PRKCSH: variants seen among roughly 807,000 people sequenced by gnomAD.
PRKCSH encodes the protein PRKCSH beta subunit of glucosidase II.
In PRKCSH, 42 loss-of-function variants were observed where a neutral mutation model predicts 79.7. The ratio of observed to expected loss-of-function variants is 0.53; its 90% CI spans 0.41 to 0.68. The LOEUF is 0.68. Among genes scored for constraint, PRKCSH ranks in the 30% least tolerant of loss-of-function variants. PRKCSH has a pLI of 0.00. For synonymous variants in PRKCSH, 325 were observed against 288.2 expected, an observed-to-expected ratio of 1.13 and a Z score of -1.29; for missense variants, 686 against 709.0, an observed-to-expected ratio of 0.97 and a Z score of 0.37.
chr19:11,436,438 G>A lies in PRKCSH; in HGVS notation c.129G>A (p.Ser43=), dbSNP rs763954335. ...AGCCTTTCACCTGCCTGGACGGTTC[G>A]GCCACCATCCCATTTGATCAGGTCA... ...ESKPFTCLDG[S]ATIPFDQVND... Residue 43 remains serine (S), a synonymous_variant, in exon 3 of 18, where the codon TCG becomes TCA. Coordinates refer to ENST00000677123, the MANE Select transcript of PRKCSH (RefSeq NM_001289104.2). 5 of 1,614,004 alleles carry A rather than the reference G, an allele frequency of 3.1e-6. No individual in the cohort carries two copies. The highest frequency in any genetic ancestry group is 4.2e-6 in the Non-Finnish European group (5 of 1,180,030).
Position 11,448,193 on chromosome 19 carries a change from A to C in PRKCSH, c.1127-29A>C. 1 of 1,547,234 alleles carries C rather than the reference A, an allele frequency of 6.5e-7. No individual in the cohort carries two copies. The highest frequency in any genetic ancestry group is 8.8e-7 in the Non-Finnish European group (1 of 1,142,720). ...CCCATCCTCCTGGATGGGGTTGAGG[A>C]CATCTCTGACCTCCAACCCCTCTCC... On this transcript the variant is annotated intron_variant, in intron 12 of 17. Coordinates refer to ENST00000677123, the MANE Select transcript of PRKCSH (RefSeq NM_001289104.2). This position sits in a 1 kb window ranked among gnomAD's most constrained non-coding sequence, Gnocchi z 4.4.
rs774447516 is a variant in PRKCSH, at chr19:11,442,480, G to C, written c.563G>C (p.Arg188Thr). ...AAGGAGGAAGCTGAGAAGCCAGAGA[G>C]AGAGGCCAAAGAGCAGCACCAGAAG... ...TVKEEAEKPE[R>T]EAKEQHQKLW... is the part of the protein sequence containing the mutation. Residue 188 changes from arginine (R) to threonine (T), a missense_variant, in exon 7 of 18, where the codon AGA (arginine) becomes ACA (threonine). Physicochemically the swap from Arg to Thr is moderately conservative, Grantham distance 71. This residue lies in a region of PRKCSH where 549 missense variants were observed against 520.2 expected (regional missense o/e 1.06). Coordinates refer to ENST00000677123, the MANE Select transcript of PRKCSH (RefSeq NM_001289104.2). 4 of 1,611,956 alleles carry C rather than the reference G, an allele frequency of 2.5e-6. No homozygotes were observed. Among genetic ancestry groups the C allele is most frequent in the Non-Finnish European group, 2.5e-6 (3 of 1,179,412 alleles).
Position 11,442,339 on chromosome 19 carries a change from G to A in PRKCSH, c.469-47G>A, listed in dbSNP as rs370101774. On this transcript the variant is annotated intron_variant, in intron 6 of 17. Coordinates refer to ENST00000677123, the MANE Select transcript of PRKCSH (RefSeq NM_001289104.2). The stretch of plus-strand genomic sequence containing the variant: ...GCAGGGAGGTAGTAGTCAATGAGGA[G>A]GAGGCAGAACAGAGGAGAGCTGGTC... 4 of 1,549,966 alleles carry A rather than the reference G, an allele frequency of 2.6e-6. No homozygotes were observed. In the African/African-American group the frequency reaches 4.1e-5, roughly 16 times the overall value.
Position 11,442,479 on chromosome 19 carries a change from A to G in PRKCSH, c.562A>G (p.Arg188Gly). ...GAAGGAGGAAGCTGAGAAGCCAGAG[A>G]GAGAGGCCAAAGAGCAGCACCAGAA... Reference protein sequence around the residue: ...TVKEEAEKPEREAKEQHQKLW... With the variant: ...TVKEEAEKPEGEAKEQHQKLW... Residue 188 changes from arginine (R) to glycine (G), a missense_variant, in exon 7 of 18, where the codon AGA becomes GGA. Physicochemically the swap from Arg to Gly is moderately radical, Grantham distance 125. Around this residue, in one of 2 missense-constraint regions of PRKCSH, gnomAD observed 549 missense variants for 520.2 expected, o/e 1.06. Transcript: ENST00000677123. The G allele has an allele frequency of 6.2e-7, 1 of 1,612,064 alleles. No individual in the cohort carries two copies. The highest frequency in any genetic ancestry group is 1.3e-5 in the African/African-American group (1 of 74,974).
chr19:11,447,105 C>T lies in PRKCSH; in HGVS notation c.794C>T (p.Ala265Val). The T allele has an allele frequency of 1.9e-6, 3 of 1,614,010 alleles. No homozygotes were observed. Among genetic ancestry groups the T allele is most frequent in the Admixed American group, 3.3e-5 (2 of 60,026 alleles). ...ALLSGDTQTD[A>V]TSFYDRVWAA... is the part of the protein sequence containing the mutation. ...CTCAGTGGGGACACACAGACAGACG[C>T]CACCTCTTTCTACGACCGCGTCTGG... is the stretch of plus-strand genomic sequence containing the variant. Residue 265 changes from alanine (A) to valine (V), a missense_variant, in exon 10 of 18, where the codon GCC becomes GTC. Transcript: ENST00000677123. The surrounding 1 kb of genome is among the most constrained non-coding windows in gnomAD (Gnocchi z 5.6).
In PRKCSH at chr19:11,437,349, T is replaced by C. The variant is rs183740484; in HGVS notation, c.197-527T>C. On this transcript the variant is annotated intron_variant, in intron 3 of 17. Coordinates refer to ENST00000677123, the MANE Select transcript of PRKCSH (RefSeq NM_001289104.2). Reference sequence around the variant, plus strand: ...CACCGTACCTGGCCTTGTTTTGTTTTGTTTTTAATTTTTTTTTTTGAGATG... The same window carrying C: ...CACCGTACCTGGCCTTGTTTTGTTTCGTTTTTAATTTTTTTTTTTGAGATG... 4.7e-5 allele frequency among the ~76,000 whole-genome samples: 7 copies of C among 149,352 alleles called. No individual in the cohort carries two copies. In the East Asian group the frequency reaches 1.4e-3, roughly 30 times the overall value.
chr19:11,436,598 C>T, intron 3 of PRKCSH, 93 bp downstream of exon 3: 1 of 1,081,790 alleles, frequency 9.2e-7, no homozygotes, highest in Non-Finnish European at 1.4e-6. Context: ...CCTCTGCTGG[C>T]TCCCCTTTGA....
rs537755345 is a variant in PRKCSH, at chr19:11,436,600, C to G, written c.196+95C>G. The G allele has an allele frequency of 2.8e-6, 3 of 1,056,090 alleles. No individual in the cohort carries two copies. In the South Asian group the frequency reaches 4.1e-5, roughly 14 times the overall value. The allele number at this position is 1,056,090 out of a possible 1,614,324, so 65.4% of individuals were successfully genotyped here. A position where few individuals can be genotyped will look rare whatever the true frequency, so the allele number is the denominator to read the frequency against. ...GACCAAGATACTACCTCTGCTGGCT[C>G]CCCTTTGAGTGGGCAGAAACAAGCT... On this transcript the variant is annotated intron_variant, in intron 3 of 17. Transcript: ENST00000677123.
In PRKCSH at chr19:11,439,264, A is replaced by G. The variant is rs150533345; in HGVS notation, c.350+1140A>G. Among the ~76,000 whole-genome samples, 15 of 152,094 alleles carry G rather than the reference A, an allele frequency of 9.9e-5. No individual in the cohort carries two copies. In the East Asian group the frequency reaches 2.9e-3, roughly 29 times the overall value. On this transcript the variant is annotated intron_variant, in intron 5 of 17. Coordinates refer to ENST00000677123, the MANE Select transcript of PRKCSH (RefSeq NM_001289104.2). Reference sequence around the variant, plus strand: ...AACCTTGTTGCGACCTTGGCGCATTACCTGTCTGATATGAAAAAATAAGAC... The same window carrying G: ...AACCTTGTTGCGACCTTGGCGCATTGCCTGTCTGATATGAAAAAATAAGAC...
At position 11,448,191 on chromosome 19, in the gene PRKCSH, G is replaced by T; in HGVS notation, c.1127-31G>T. 1 of 1,548,282 alleles carries T rather than the reference G, an allele frequency of 6.5e-7. No individual in the cohort carries two copies. Among genetic ancestry groups the T allele is most frequent in the South Asian group, 1.2e-5 (1 of 83,946 alleles). On this transcript the variant is annotated intron_variant, in intron 12 of 17. Transcript: ENST00000677123. The surrounding 1 kb of genome is among the most constrained non-coding windows in gnomAD (Gnocchi z 4.4). ...TCCCCATCCTCCTGGATGGGGTTGA[G>T]GACATCTCTGACCTCCAACCCCTCT...
At position 11,436,025 on chromosome 19, in the gene PRKCSH, C is replaced by G; in HGVS notation, c.-77-16C>G. 8 of 1,538,158 alleles carry G rather than the reference C, an allele frequency of 5.2e-6. No individual in the cohort carries two copies. Among genetic ancestry groups the G allele is most frequent in the Non-Finnish European group, 7.1e-6 (8 of 1,125,248 alleles). Reference sequence around the variant, plus strand: ...TAGCCCTCTCCCACTGACCGGGATCCGCTTTCTTCCTGCAGCGTGAAGACA... The same window carrying G: ...TAGCCCTCTCCCACTGACCGGGATCGGCTTTCTTCCTGCAGCGTGAAGACA... On this transcript the variant is annotated splice_polypyrimidine_tract_variant and intron_variant, in intron 1 of 17. Transcript: ENST00000677123.
Position 11,448,276 on chromosome 19 carries a change from TG to T in PRKCSH, c.1183del (p.Glu395ArgfsTer76). On this transcript the variant is annotated frameshift_variant, in exon 13 of 18. Transcript: ENST00000677123. LOFTEE classifies it high-confidence loss of function. This position sits in a 1 kb window ranked among gnomAD's most constrained non-coding sequence, Gnocchi z 4.4. Reference sequence around the variant, plus strand: ...GAGGCCGAGCGGTCGCTGAAGGACATGGAGGAGTCCATCAGGTAGCGGGGGC... The same window carrying T: ...GAGGCCGAGCGGTCGCTGAAGGACATGAGGAGTCCATCAGGTAGCGGGGGC... ...FEEAERSLKD[M>X]EESIRNLEQE... 1 of 1,573,478 alleles carries T rather than the reference TG, an allele frequency of 6.4e-7. No homozygotes were observed. The highest frequency in any genetic ancestry group is 8.6e-7 in the Non-Finnish European group (1 of 1,159,110).
chr19:11,447,649 G>C lies in PRKCSH; in HGVS notation c.1029+31G>C. Reference sequence around the variant, plus strand: ...TGTTTGGGGGAGAAGTGGAGACAGAGAGGGTGGGGGAAGGGCTACTCACTG... The same window carrying C: ...TGTTTGGGGGAGAAGTGGAGACAGACAGGGTGGGGGAAGGGCTACTCACTG... On this transcript the variant is annotated intron_variant, in intron 11 of 17. Coordinates refer to ENST00000677123, the MANE Select transcript of PRKCSH (RefSeq NM_001289104.2). This position sits in a 1 kb window ranked among gnomAD's most constrained non-coding sequence, Gnocchi z 5.6. The C allele has an allele frequency of 6.4e-7, 1 of 1,569,862 alleles. No homozygotes were observed. Among genetic ancestry groups the C allele is most frequent in the Non-Finnish European group, 8.6e-7 (1 of 1,157,102 alleles).
In PRKCSH at chr19:11,436,437, C is replaced by T. The variant is rs1244417881; in HGVS notation, c.128C>T (p.Ser43Leu). The change falls in exon 3 of 18, where the codon TCG (serine) becomes TTG (leucine). Residue 43 changes from serine to leucine, a missense_variant. By Grantham distance (145) the Ser-to-Leu change is moderately radical. Transcript: ENST00000677123. The part of the protein sequence containing the change: ...ESKPFTCLDG[S>L]ATIPFDQVND... ...AAGCCTTTCACCTGCCTGGACGGTTCGGCCACCATCCCATTTGATCAGGTC... is the reference window on the plus strand; with the variant it reads ...AAGCCTTTCACCTGCCTGGACGGTTTGGCCACCATCCCATTTGATCAGGTC... The T allele has an allele frequency of 3.1e-6, 5 of 1,614,166 alleles. No homozygotes were observed. Among genetic ancestry groups the T allele is most frequent in the East Asian group, 2.2e-5 (1 of 44,884 alleles).
In PRKCSH at chr19:11,447,989, C is replaced by G. The variant is rs1970401906; in HGVS notation, c.1126+200C>G. 1.3e-6 allele frequency: 1 copy of G among 760,376 alleles called. No homozygotes were observed. The highest frequency in any genetic ancestry group is 2.1e-6 in the Non-Finnish European group (1 of 475,314). The allele number at this position is 760,376 out of a possible 1,614,324, so 47.1% of individuals were successfully genotyped here. On this transcript the variant is annotated intron_variant, in intron 12 of 17. Transcript: ENST00000677123. This position sits in a 1 kb window ranked among gnomAD's most constrained non-coding sequence, Gnocchi z 5.6. ...GCCCCAAGGGGCCCTTCTGCCTCCC[C>G]AAGGGCCGCAGCTTGTTTGTGTCAC... is the stretch of plus-strand genomic sequence containing the variant.
Position 11,449,059 on chromosome 19 carries a change from C to T in PRKCSH, c.1362-17C>T, listed in dbSNP as rs528756357. On this transcript the variant is annotated splice_polypyrimidine_tract_variant and intron_variant, in intron 15 of 17. Coordinates refer to ENST00000677123, the MANE Select transcript of PRKCSH (RefSeq NM_001289104.2). The surrounding 1 kb of genome is among the most constrained non-coding windows in gnomAD (Gnocchi z 6.4). ...CCCGACACCGGCCCAGCCCTCAGCA[C>T]CCTGTGTCTCTCACAGCACCTGGGG... 1 of 1,613,342 alleles carries T rather than the reference C, an allele frequency of 6.2e-7. No individual in the cohort carries two copies.
At chr19:11,438,044 C>T in intron 4 of PRKCSH, 23 bp from the exon 5 acceptor site, 1 of 1,614,106 alleles carries the variant, frequency 6.2e-7, no homozygotes, top group South Asian at 1.1e-5. Context: ...CAGGTCTGAT[C>T]TTGGCTTCTG....
rs527357691 is a variant in PRKCSH at position 11,445,651 on chromosome 19, C to T, written c.683+178C>T. 917 of 688,324 alleles carry T rather than the reference C, an allele frequency of 1.3e-3. 3 individuals carry two copies. The highest frequency in any genetic ancestry group is 4.2e-3 in the Middle Eastern group (17 of 4,066). 42.6% of individuals were successfully genotyped at this position (688,324 alleles called of 1,614,324 possible). A position where few individuals can be genotyped will look rare whatever the true frequency, so the allele number is the denominator to read the frequency against. ...CTCGTGGATGGCCAGGTCCAGGATG[C>T]CCTGGGCGAGGAGATAGGGGGACCA... is the stretch of plus-strand genomic sequence containing the variant. On this transcript the variant is annotated intron_variant, in intron 8 of 17. Coordinates refer to ENST00000677123, the MANE Select transcript of PRKCSH (RefSeq NM_001289104.2).
intron 7 of PRKCSH, among the ~76,000 whole-genome samples, chr19:11,444,989 C>T (rs918375090): frequency 5.9e-5 from 9 of 152,160 alleles, no homozygotes; most frequent in Admixed American, 1.3e-4. Context: ...GCCTCTGCTC[C>T]GTGCTTCTTC....
Sources: allele counts gnomAD v4.1 joint callset (sites outside exome capture counted in the v4.1 genomes callset), GRCh38; gene constraint gnomAD v4.1.1; regional missense constraint gnomAD v4.1.1; non-coding constraint Gnocchi (gnomAD v3.1); transcripts MANE v1.5; gene names NCBI Gene and HGNC (gene_info 2026-07-23, HGNC 2026-07-21).